The following TAFA1 variants were observed in gnomAD, a reference collection of about 807,000 sequenced individuals.
TAFA1 encodes chemokine-like protein TAFA-1.
A neutral mutation model predicts 18.5 loss-of-function variants in TAFA1; 4 were observed. The observed-to-expected ratio is 0.22, with a 90% CI of 0.11 to 0.49. TAFA1 has a LOEUF of 0.49. Among genes scored for constraint, TAFA1 ranks in the 20% least tolerant of loss-of-function variants. The pLI, the probability that TAFA1 is intolerant of heterozygous loss-of-function variation, is 0.98. For missense variants in TAFA1, 147 were observed against 169.0 expected (o/e 0.87, Z 0.72); for synonymous variants, 56 against 55.2 (o/e 1.01, Z -0.06).
chr3:68,172,626 A>C (rs1449309216), intron 2 of TAFA1, among the ~76,000 whole-genome samples: 2 of 152,204 alleles, frequency 1.3e-5, no homozygotes, highest in Non-Finnish European at 2.9e-5. Context: ...CCTAGTGTCC[A>C]TCAGCTGCTG....
intron 2 of TAFA1, among the ~76,000 whole-genome samples, chr3:68,049,751 A>G (rs1243453102): frequency 6.6e-6 from 1 of 152,086 alleles, no homozygotes; most frequent in Non-Finnish European, 1.5e-5. Flanking sequence ...GACTGCCATC[A>G]TAACAGAAGC....
intron 2 of TAFA1, among the ~76,000 whole-genome samples, chr3:68,330,606 A>G (rs9879178): frequency 0.05 from 7,672 of 152,302 alleles, 239 homozygotes; most frequent in African/African-American, 0.086. Context: ...TATGTTATCA[A>G]TATTCACAAT....
intron 2 of TAFA1, among the ~76,000 whole-genome samples, chr3:68,019,986 G>T (rs1236075169): frequency 6.6e-6 from 1 of 152,154 alleles, no homozygotes; most frequent in Non-Finnish European, 1.5e-5. Context: ...AATTAAATGA[G>T]ACAGGAATAA....
At chr3:68,009,593 A>G (rs1704430690) in intron 2 of TAFA1, among the ~76,000 whole-genome samples, 1 of 152,188 alleles carries the variant, frequency 6.6e-6, no homozygotes, top group African/African-American at 2.4e-5. Context: ...CCCTTCCTAG[A>G]TGCAGAATGA....
At chr3:68,528,103 C>A (rs1261052071) in intron 3 of TAFA1, among the ~76,000 whole-genome samples, 1 of 152,116 alleles carries the variant, frequency 6.6e-6, no homozygotes, top group Non-Finnish European at 1.5e-5. Context: ...AAAGATAAGG[C>A]ATTAACCCTG....
chr3:68,194,940 C>T (rs1430670346), intron 2 of TAFA1, among the ~76,000 whole-genome samples: 1 of 151,646 alleles, frequency 6.6e-6, no homozygotes, highest in Non-Finnish European at 1.5e-5. Flanking sequence ...TAGTTGTCTT[C>T]TCCCACATTT....
intron 2 of TAFA1, among the ~76,000 whole-genome samples, chr3:68,157,620 TA>T (rs1226220576): frequency 6.6e-6 from 1 of 152,216 alleles, no homozygotes; most frequent in African/African-American, 2.4e-5. Flanking sequence ...ACCAAGATAA[TA>T]AAAACTCATA....
intron 3 of TAFA1, among the ~76,000 whole-genome samples, chr3:68,440,707 T>C (rs2106866669): frequency 6.6e-6 from 1 of 152,284 alleles, no homozygotes; most frequent in East Asian, 1.9e-4. Flanking sequence ...TGTTGTAGTT[T>C]CCCATTGACC....
rs140584795 is a variant in TAFA1, at chr3:68,472,397, A to G, written c.259+54977A>G. ...AGTCAATTAAGCCTCTTTCCTTTAT[A>G]AATTACCCAGTCCTGTGTATGTCTT... On this transcript the variant is annotated intron_variant, in intron 3 of 4. Transcript: ENST00000478136. Among the ~76,000 whole-genome samples the G allele has an allele frequency of 4.0e-3, 612 of 152,236 alleles. 6 individuals are homozygous for G. The highest frequency in any genetic ancestry group is 0.013 in the African/African-American group (554 of 41,534).
At chr3:68,033,664 A>G (rs766258563) in intron 2 of TAFA1, among the ~76,000 whole-genome samples, 34 of 152,184 alleles carry the variant, frequency 2.2e-4, no homozygotes, top group Non-Finnish European at 4.1e-4. Flanking sequence ...TAAGGAATGG[A>G]TGGAATGAAA....
chr3:68,068,771 T>G (rs1296268341), intron 2 of TAFA1, among the ~76,000 whole-genome samples: 3 of 152,202 alleles, frequency 2.0e-5, no homozygotes, highest in Admixed American at 6.5e-5. Context: ...TCATTAGATC[T>G]TGTTTAGTCT....
intron 2 of TAFA1, among the ~76,000 whole-genome samples, chr3:68,267,421 A>G (rs888235765): frequency 1.3e-5 from 2 of 152,182 alleles, no homozygotes; most frequent in African/African-American, 2.4e-5. Context: ...AGTAACTCAT[A>G]TAAGTTATAT....
chr3:68,316,770 T>C (rs1487999021), intron 2 of TAFA1, among the ~76,000 whole-genome samples: 1 of 152,162 alleles, frequency 6.6e-6, no homozygotes, highest in Non-Finnish European at 1.5e-5. Flanking sequence ...GAATAGGTGT[T>C]GAATGAGTTG....
intron 2 of TAFA1, among the ~76,000 whole-genome samples, chr3:68,119,725 A>G (rs1342262865): frequency 1.3e-5 from 2 of 152,150 alleles, no homozygotes; most frequent in Non-Finnish European, 2.9e-5. Flanking sequence ...AATTTGTTCT[A>G]TTGGTCTATA....
At chr3:68,170,755 T>G (rs1449335086) in intron 2 of TAFA1, among the ~76,000 whole-genome samples, 1 of 150,548 alleles carries the variant, frequency 6.6e-6, no homozygotes, top group Non-Finnish European at 1.5e-5. Context: ...CTGGAGGATT[T>G]ATTGATTCAA....
intron 2 of TAFA1, among the ~76,000 whole-genome samples, chr3:68,134,789 A>G (rs561237811): frequency 2.0e-5 from 3 of 152,342 alleles, no homozygotes; most frequent in East Asian, 1.9e-4. Flanking sequence ...CCAGGAGGTT[A>G]CTGTCATTGG....
chr3:68,144,889 T>C lies in TAFA1; in HGVS notation c.118+138145T>C, dbSNP rs188609975. The C allele has an allele frequency of 1.6e-3, 1,072 of 661,506 alleles. 5 individuals carry two copies. The highest frequency in any genetic ancestry group is 3.2e-3 in the Admixed American group (130 of 40,452). 41.0% of individuals were successfully genotyped at this position (661,506 alleles called of 1,614,324 possible). On this transcript the variant is annotated intron_variant, in intron 2 of 4. Transcript: ENST00000478136. ...TTTACATTTACATTCCATTTCCTCA[T>C]CAAAAAATTGGAGATAATAATAGGT...
chr3:68,086,533 T>C (rs748452391), intron 2 of TAFA1, among the ~76,000 whole-genome samples: 3 of 152,260 alleles, frequency 2.0e-5, no homozygotes, highest in Non-Finnish European at 4.4e-5. Context: ...ATAAACTTCT[T>C]ATAGAACTGT....
intron 2 of TAFA1, among the ~76,000 whole-genome samples, chr3:68,386,026 G>A (rs893541825): frequency 1.3e-5 from 2 of 151,962 alleles, no homozygotes; most frequent in Non-Finnish European, 2.9e-5. Flanking sequence ...CTGCTTTTGT[G>A]TTACAAGTAG....
Sources: gnomAD v4.1 joint callset for allele counts (sites outside exome capture counted in the v4.1 genomes callset) on GRCh38, gnomAD v4.1.1 for gene constraint, MANE v1.5 for transcripts, NCBI Gene and HGNC (gene_info 2026-07-23, HGNC 2026-07-21) for gene names.